Variants in RFC3 observed in about 807,000 individuals in gnomAD.
RFC3 encodes replication factor C subunit 3.
A neutral mutation model predicts 45.1 loss-of-function variants in RFC3; 41 were observed. The observed-to-expected ratio is 0.91, with a 90% CI of 0.71 to 1.18. The LOEUF (loss-of-function observed/expected upper bound fraction) is 1.18, where lower values mean the gene tolerates loss of function less well. Among genes scored for constraint, RFC3 ranks in the 50% most tolerant of loss-of-function variants. The pLI is 0.00. For missense variants in RFC3, 423 were observed against 428.1 expected (o/e 0.99, Z 0.10); for synonymous variants, 149 against 144.0 (o/e 1.03, Z -0.25).
intron 8 of RFC3, among the ~76,000 whole-genome samples, chr13:33,917,870 A>G (rs892620580): frequency 5.3e-5 from 8 of 152,114 alleles, no homozygotes; most frequent in African/African-American, 1.9e-4. Flanking sequence ...AAAAACAAAC[A>G]AACAGGAAAC....
intron 8 of RFC3, among the ~76,000 whole-genome samples, chr13:33,876,260 G>A (rs2082446050): frequency 6.6e-6 from 1 of 152,230 alleles, no homozygotes; most frequent in Non-Finnish European, 1.5e-5. Context: ...TGAAGATACA[G>A]CTGCTAGAGA....
intron 8 of RFC3, 130 bp from the exon 9 acceptor site, chr13:33,835,974 A>G (rs904985508): frequency 6.0e-6 from 6 of 1,006,920 alleles, no homozygotes; most frequent in Non-Finnish European, 8.3e-6. Flanking sequence ...GTTGATTCAC[A>G]TAAAAAATTA....
At position 33,959,678 on chromosome 13, in the gene RFC3, A is replaced by G. The variant is rs570871665; in HGVS notation, c.880-6409A>G. 1.2e-4 allele frequency among the ~76,000 whole-genome samples: 19 copies of G among 152,150 alleles called. No individual in the cohort carries two copies. The South Asian group carries it at 4.0e-3, about 32-fold the overall frequency. The stretch of plus-strand genomic sequence containing the variant: ...ACCAGACAGTGATCTCTGGCACTAC[A>G]TGGTCTTCATCTCCTAATGACCCAC... On this transcript the variant is annotated intron_variant, in intron 8 of 8. Coordinates refer to the RFC3 transcript ENST00000434425.
At chr13:33,882,151 C>T (rs1181133333) in intron 8 of RFC3, among the ~76,000 whole-genome samples, 3 of 152,136 alleles carry the variant, frequency 2.0e-5, no homozygotes, top group Non-Finnish European at 4.4e-5. Flanking sequence ...CTCAGCTTCC[C>T]CTGATGTTAG....
chr13:33,861,515 G>A (rs965698910), intron 8 of RFC3, among the ~76,000 whole-genome samples: 2 of 151,960 alleles, frequency 1.3e-5, no homozygotes, highest in African/African-American at 4.8e-5. Flanking sequence ...GTGTGGTGGT[G>A]GCACCTGTAA....
chr13:33,826,969 G>T (rs1181049469), intron 4 of RFC3, among the ~76,000 whole-genome samples: 1 of 152,152 alleles, frequency 6.6e-6, no homozygotes, highest in Admixed American at 6.5e-5. Context: ...GTATGTATTT[G>T]ATCATGGTAA....
At chr13:33,975,565 C>A in the RFC3 span, among the ~76,000 whole-genome samples, 1 of 151,968 alleles carries the variant, frequency 6.6e-6, no homozygotes, top group Non-Finnish European at 1.5e-5. Context: ...TCTGGAAATC[C>A]CAGGATTGAA....
rs918660721 is a variant in RFC3 at position 33,821,292 on chromosome 13, C to T, written c.225+23C>T. Reference sequence around the variant, plus strand: ...ACAGTAAGCATTTCACTTTGAGGCCCTGAAAGTAATTTATAGCGGGGACTT... The same window carrying T: ...ACAGTAAGCATTTCACTTTGAGGCCTTGAAAGTAATTTATAGCGGGGACTT... On this transcript the variant is annotated intron_variant, in intron 2 of 8. Transcript: ENST00000380071. The T allele has an allele frequency of 5.6e-6, 9 of 1,610,820 alleles. No homozygotes were observed. The African/African-American group carries it at 8.0e-5, about 14-fold the overall frequency.
In RFC3 at chr13:33,966,120, T is replaced by C. The variant is rs571592076; in HGVS notation, c.913T>C (p.Phe305Leu). ...GGAGGAATCAAGAAGCTGTGACATA[T>C]TCTGAGGACCTCCAAAGAACAACTT... Residue 305 changes from phenylalanine (F) to leucine (L), a missense_variant, in exon 9 of 9, where the codon TTC (phenylalanine) becomes CTC (leucine). Phe to Leu is a conservative substitution (Grantham distance 22). Coordinates refer to the RFC3 transcript ENST00000434425. 7 of 1,610,406 alleles carry C rather than the reference T, an allele frequency of 4.3e-6. No individual in the cohort carries two copies. In the South Asian group the frequency reaches 5.5e-5, roughly 13 times the overall value.
In RFC3 at chr13:33,890,338, A is replaced by G. The variant is rs1052302983; in HGVS notation, c.879+55121A>G. Reference sequence around the variant, plus strand: ...TAAATTTGGTTCCATCCATGCCCAGAAGCAATATCAGAGCTCATGTATGTG... The same window carrying G: ...TAAATTTGGTTCCATCCATGCCCAGGAGCAATATCAGAGCTCATGTATGTG... On this transcript the variant is annotated intron_variant, in intron 8 of 8. Coordinates refer to the RFC3 transcript ENST00000434425. Among the ~76,000 whole-genome samples, 120 of 152,188 alleles carry G rather than the reference A, an allele frequency of 7.9e-4. 1 individual carries two copies. The highest frequency in any genetic ancestry group is 7.3e-3 in the Admixed American group (112 of 15,286).
chr13:33,851,896 C>A (rs1191617283), intron 8 of RFC3, among the ~76,000 whole-genome samples: 2 of 152,140 alleles, frequency 1.3e-5, no homozygotes, highest in Non-Finnish European at 2.9e-5. Context: ...AGTATGAATC[C>A]ATTCCCCAAA....
At chr13:33,893,902 A>G (rs1231429615) in intron 8 of RFC3, among the ~76,000 whole-genome samples, 1 of 152,102 alleles carries the variant, frequency 6.6e-6, no homozygotes, top group Non-Finnish European at 1.5e-5. Context: ...CAAATCTAAG[A>G]AATACTGCTA....
At chr13:33,944,169 A>G (rs936562850) in intron 8 of RFC3, among the ~76,000 whole-genome samples, 2 of 152,162 alleles carry the variant, frequency 1.3e-5, no homozygotes, top group African/African-American at 2.4e-5. Context: ...TGTGTCCTCT[A>G]TTCATTTGGT....
downstream of RFC3, among the ~76,000 whole-genome samples, chr13:33,841,475 G>A (rs1167575998): frequency 6.6e-6 from 1 of 152,114 alleles, no homozygotes; most frequent in East Asian, 1.9e-4. Flanking sequence ...TATTCATTTT[G>A]AAGTATCAGT....
downstream of RFC3, among the ~76,000 whole-genome samples, chr13:33,837,762 TC>T (rs1460457848): frequency 2.0e-5 from 3 of 152,090 alleles, no homozygotes; most frequent in African/African-American, 7.2e-5. Flanking sequence ...TACTTATTTT[TC>T]TAGGTTATGT....
At position 33,947,408 on chromosome 13, in the gene RFC3, T is replaced by C. The variant is rs184271280; in HGVS notation, c.880-18679T>C. ...CGAAACTATAAGTCAATTAAACCCC[T>C]TTTCTTTATAAATTACCCAGTCTCT... On this transcript the variant is annotated intron_variant, in intron 8 of 8. Coordinates refer to the RFC3 transcript ENST00000434425. Among the ~76,000 whole-genome samples the C allele has an allele frequency of 1.7e-4, 26 of 152,282 alleles. No individual in the cohort carries two copies. In the East Asian group the frequency reaches 4.8e-3, roughly 28 times the overall value.
At chr13:33,845,802 G>T (rs933861643) in intron 8 of RFC3, among the ~76,000 whole-genome samples, 2 of 152,182 alleles carry the variant, frequency 1.3e-5, no homozygotes, top group African/African-American at 4.8e-5. Context: ...GTTTGGTGAG[G>T]TCATGTTTCC....
At chr13:33,823,874 G>T in intron 2 of RFC3, 43 bp from the exon 3 acceptor site, 3 of 992,514 alleles carry the variant, frequency 3.0e-6, no homozygotes, top group South Asian at 3.0e-5. Flanking sequence ...TGGGGAAATA[G>T]GCAATAAATA....
rs932115009 is a variant in RFC3 at position 33,860,902 on chromosome 13, A to AAT, written c.879+25698_879+25699dup. ...TTCTCATTACTTAAGAAACATATTA[A>AAT]ATATATATATATATTTTTTTACCAG... On this transcript the variant is annotated intron_variant, in intron 8 of 8. Coordinates refer to the RFC3 transcript ENST00000434425. Among the ~76,000 whole-genome samples the AAT allele has an allele frequency of 7.1e-4, 84 of 118,960 alleles. No homozygotes were observed. The South Asian group carries it at 0.013, about 19-fold the overall frequency. 78.0% of individuals were successfully genotyped at this position (118,960 alleles called of 152,430 possible).
Sources: allele counts gnomAD v4.1 joint callset (sites outside exome capture counted in the v4.1 genomes callset), GRCh38; gene constraint gnomAD v4.1.1; transcripts MANE v1.5; gene names NCBI Gene and HGNC (gene_info 2026-07-23, HGNC 2026-07-21).